Variants in RPS6KA2 observed in about 807,000 individuals in gnomAD.
RPS6KA2 encodes ribosomal protein S6 kinase A2.
Under a neutral mutation model 91.8 loss-of-function variants are expected in RPS6KA2, and 42 were observed. The ratio of observed to expected loss-of-function variants is 0.46; its 90% CI spans 0.36 to 0.59. The LOEUF (loss-of-function observed/expected upper bound fraction) is 0.59, where lower values mean the gene tolerates loss of function less well. Ranked by LOEUF, RPS6KA2 falls within the 20% of genes least tolerant of loss-of-function variation. RPS6KA2 has a pLI of 0.00. For synonymous variants in RPS6KA2, 414 were observed against 393.6 expected (o/e 1.05, Z -0.61); for missense variants, 798 against 978.5 (o/e 0.82, Z 2.46).
rs546400867 is a variant in RPS6KA2, at chr6:166,755,425, A to G, written c.123+102775T>C. On this transcript the variant is annotated intron_variant, in intron 2 of 21. Transcript: ENST00000503859. ...AGAACCAGCAGGAGATGTTTCTTAC[A>G]GGGCTCGGAACAGAAAGAGATGTGT... Among the ~76,000 whole-genome samples the G allele has an allele frequency of 4.6e-5, 7 of 152,252 alleles. No individual in the cohort carries two copies. The East Asian group carries it at 1.3e-3, about 29-fold the overall frequency.
intron 2 of RPS6KA2, among the ~76,000 whole-genome samples, chr6:166,758,122 G>C (rs1249573483): frequency 6.6e-6 from 1 of 152,072 alleles, no homozygotes; most frequent in African/African-American, 2.4e-5. Context: ...AAGACACTTC[G>C]GTCCTTCTCT....
chr6:166,695,838 A>G (rs1464887921), intron 2 of RPS6KA2, among the ~76,000 whole-genome samples: 1 of 151,784 alleles, frequency 6.6e-6, no homozygotes, highest in Non-Finnish European at 1.5e-5. Context: ...GGAGCACTGG[A>G]TTCTCACAGG....
At chr6:166,712,697 C>G (rs1789899049) in intron 2 of RPS6KA2, among the ~76,000 whole-genome samples, 1 of 152,192 alleles carries the variant, frequency 6.6e-6, no homozygotes, top group South Asian at 2.1e-4. Context: ...GTGTGATGTC[C>G]CACCGAGGCC....
chr6:166,809,348 A>G (rs1032192680), intron 2 of RPS6KA2, among the ~76,000 whole-genome samples: 2 of 152,236 alleles, frequency 1.3e-5, no homozygotes, highest in Non-Finnish European at 1.5e-5. Flanking sequence ...TGGATTTGAC[A>G]ATATCAAAAT....
Position 166,411,047 on chromosome 6 carries a change from C to T in RPS6KA2, c.*1715G>A, listed in dbSNP as rs1448516358. ...AAATGTGAGGAATACCCTGTGGGCA[C>T]TATGGAAACAGGTATTCAGTCCGAC... On this transcript the variant is annotated 3_prime_UTR_variant, in exon 21 of 21. Coordinates refer to ENST00000265678, the MANE Select transcript of RPS6KA2 (RefSeq NM_021135.6). This position sits in a 1 kb window ranked among gnomAD's most constrained non-coding sequence, Gnocchi z 4.5. The T allele has an allele frequency of 6.6e-6, 1 of 151,906 alleles. No homozygotes were observed. The highest frequency in any genetic ancestry group is 1.5e-5 in the Non-Finnish European group (1 of 68,004). 9.4% of individuals were successfully genotyped at this position (151,906 alleles called of 1,614,324 possible).
In RPS6KA2 at chr6:166,666,729, A is replaced by G. The variant is rs1357259823; in HGVS notation, c.124-127945T>C. ...ATGGCCATTCCTCAGAAAGTTACAC[A>G]TAGAATAACCATATAATTTAGCAAC... On this transcript the variant is annotated intron_variant, in intron 2 of 21. Coordinates refer to the RPS6KA2 transcript ENST00000503859. The surrounding 1 kb of genome is among the most constrained non-coding windows in gnomAD (Gnocchi z 4.0). Among the ~76,000 whole-genome samples the G allele has an allele frequency of 1.3e-5, 2 of 152,242 alleles. No individual in the cohort carries two copies. Among genetic ancestry groups the G allele is most frequent in the Non-Finnish European group, 2.9e-5 (2 of 68,050 alleles).
Position 166,419,443 on chromosome 6 carries a change from C to T in RPS6KA2, c.1820+439G>A, listed in dbSNP as rs1029265266. On this transcript the variant is annotated intron_variant, in intron 18 of 20. Transcript: ENST00000265678. The surrounding 1 kb of genome is among the most constrained non-coding windows in gnomAD (Gnocchi z 5.6). ...GCCCAGGCCACTTTCTGTAACACCA[C>T]GTGTCTTACCACAATGAACCGGCCC... is the stretch of plus-strand genomic sequence containing the variant. Among the ~76,000 whole-genome samples the T allele has an allele frequency of 6.6e-6, 1 of 152,180 alleles. No individual in the cohort carries two copies. The highest frequency in any genetic ancestry group is 6.5e-5 in the Admixed American group (1 of 15,280).
chr6:166,423,206 C>G lies in RPS6KA2; in HGVS notation c.1743+50G>C, dbSNP rs1339315715. ...GGCTCTGCAGTGGGAGGGGGCAGAG[C>G]CTGTCTTTGCGGATAGAGAGGCCTG... On this transcript the variant is annotated intron_variant, in intron 17 of 20. Coordinates refer to ENST00000265678, the MANE Select transcript of RPS6KA2 (RefSeq NM_021135.6). This position sits in a 1 kb window ranked among gnomAD's most constrained non-coding sequence, Gnocchi z 4.8. 5.1e-6 allele frequency: 8 copies of G among 1,560,900 alleles called. No individual in the cohort carries two copies. Among genetic ancestry groups the G allele is most frequent in the Non-Finnish European group, 7.0e-6 (8 of 1,147,090 alleles).
intron 20 of RPS6KA2, among the ~76,000 whole-genome samples, chr6:166,413,286 T>C (rs1164031630): frequency 1.3e-5 from 2 of 152,166 alleles, no homozygotes; most frequent in African/African-American, 4.8e-5. Context: ...CCCTGGACTT[T>C]GGCCACTGTT....
Position 166,709,206 on chromosome 6 carries a change from C to T in RPS6KA2, c.123+148994G>A, listed in dbSNP as rs114784445. Reference sequence around the variant, plus strand: ...TTGTCATAAAGATGTAACAAGATAACGGATGTGGGGTGCTTGTCAAGCTGG... The same window carrying T: ...TTGTCATAAAGATGTAACAAGATAATGGATGTGGGGTGCTTGTCAAGCTGG... On this transcript the variant is annotated intron_variant, in intron 2 of 21. Coordinates refer to the RPS6KA2 transcript ENST00000503859. Among the ~76,000 whole-genome samples the T allele has an allele frequency of 6.0e-3, 918 of 152,280 alleles. 2 individuals are homozygous for T. Among genetic ancestry groups the T allele is most frequent in the African/African-American group, 0.02 (832 of 41,542 alleles).
chr6:166,541,860 G>A (rs1318217361), intron 1 of RPS6KA2, among the ~76,000 whole-genome samples: 1 of 152,148 alleles, frequency 6.6e-6, no homozygotes, highest in Admixed American at 6.5e-5. Flanking sequence ...CTCCTAAAAT[G>A]ACATGAAAAA....
At chr6:166,775,088 AT>A (rs1324922730) in intron 2 of RPS6KA2, among the ~76,000 whole-genome samples, 1 of 152,162 alleles carries the variant, frequency 6.6e-6, no homozygotes, top group Non-Finnish European at 1.5e-5. Flanking sequence ...TACACAACCA[AT>A]TTTACGATTT....
intron 3 of RPS6KA2, among the ~76,000 whole-genome samples, chr6:166,512,717 G>A (rs983939954): frequency 6.6e-6 from 1 of 152,124 alleles, no homozygotes; most frequent in Non-Finnish European, 1.5e-5. Context: ...CTTGGCTTTG[G>A]TTTCCTCATA....
chr6:166,831,917 TAGAC>T lies in RPS6KA2; in HGVS notation c.123+26279_123+26282del, dbSNP rs1023955317. On this transcript the variant is annotated intron_variant, in intron 2 of 21. Coordinates refer to the RPS6KA2 transcript ENST00000503859. ...GATAGATAGATGATGGATGGATAGATAGACAGATGATAGATAATAGATGGATGGA... is the reference window on the plus strand; with the variant it reads ...GATAGATAGATGATGGATGGATAGATAGATGATAGATAATAGATGGATGGA... Among the ~76,000 whole-genome samples, 26 of 136,352 alleles carry T rather than the reference TAGAC, an allele frequency of 1.9e-4. No homozygotes were observed. The East Asian group carries it at 4.1e-3, about 21-fold the overall frequency. The allele number at this position is 136,352 out of a possible 152,430, so 89.5% of individuals were successfully genotyped here. A position where few individuals can be genotyped will look rare whatever the true frequency, so the allele number is the denominator to read the frequency against.
chr6:166,619,911 A>G (rs942157457), intron 1 of RPS6KA2, among the ~76,000 whole-genome samples: 7 of 152,244 alleles, frequency 4.6e-5, no homozygotes, highest in African/African-American at 1.7e-4. Context: ...CATTTCTACC[A>G]TAACCATTCC....
Position 166,423,412 on chromosome 6 carries a change from A to G in RPS6KA2, c.1587T>C (p.Val529=). ...TGTTACTCGGCTTCAGGTCTCGATGAACAACCTGCAAGACAGAAGGCACAG... is the reference window on the plus strand; with the variant it reads ...TGTTACTCGGCTTCAGGTCTCGATGGACAACCTGCAAGACAGAAGGCACAG... ...TMDYLHSQGV[V]HRDLKPSNIL... Residue 529 remains valine (V), a synonymous_variant, in exon 17 of 21, where the codon GTT becomes GTC. Coordinates refer to ENST00000265678, the MANE Select transcript of RPS6KA2 (RefSeq NM_021135.6). This position sits in a 1 kb window ranked among gnomAD's most constrained non-coding sequence, Gnocchi z 4.8. 1.2e-6 allele frequency: 2 copies of G among 1,608,390 alleles called. No homozygotes were observed. The highest frequency in any genetic ancestry group is 1.7e-6 in the Non-Finnish European group (2 of 1,175,352).
At chr6:166,549,595 T>C (rs118125669) in intron 1 of RPS6KA2, among the ~76,000 whole-genome samples, 22 of 152,250 alleles carry the variant, frequency 1.4e-4, no homozygotes, top group African/African-American at 5.1e-4. Flanking sequence ...TTTTTTGAAA[T>C]GCAAAATTAT....
chr6:166,703,065 C>G (rs1789573925), intron 2 of RPS6KA2, among the ~76,000 whole-genome samples: 2 of 152,294 alleles, frequency 1.3e-5, no homozygotes, highest in Admixed American at 1.3e-4. Context: ...AAAAGCCTAG[C>G]TACAACCGAA....
At chr6:166,550,729 G>T (rs569010031) in intron 1 of RPS6KA2, among the ~76,000 whole-genome samples, 14 of 152,244 alleles carry the variant, frequency 9.2e-5, no homozygotes, top group African/African-American at 3.1e-4. Flanking sequence ...AGGGTTGGGC[G>T]CGATGGCTCA....
Sources: allele counts gnomAD v4.1 joint callset (sites outside exome capture counted in the v4.1 genomes callset), GRCh38; gene constraint gnomAD v4.1.1; non-coding constraint Gnocchi (gnomAD v3.1); transcripts MANE v1.5; gene names NCBI Gene and HGNC (gene_info 2026-07-23, HGNC 2026-07-21).